The following RUNDC3B variants were observed in gnomAD, a reference collection of about 807,000 sequenced individuals.
RUNDC3B encodes RUN domain containing 3B.
Under a neutral mutation model 58.4 loss-of-function variants are expected in RUNDC3B, and 33 were observed. The ratio of observed to expected loss-of-function variants is 0.56; its 90% CI spans 0.43 to 0.75. RUNDC3B has a LOEUF of 0.75. Ranked by LOEUF, RUNDC3B falls within the 30% of genes least tolerant of loss-of-function variation. RUNDC3B has a pLI of 0.00. For synonymous variants in RUNDC3B, 193 were observed against 195.2 expected (o/e 0.99, Z 0.10); for missense variants, 501 against 535.7 (o/e 0.94, Z 0.64).
Position 87,628,871 on chromosome 7 carries a change from C to T in RUNDC3B, c.48C>T (p.Gly16=). The T allele has an allele frequency of 3.9e-6, 5 of 1,284,230 alleles. No homozygotes were observed. Among genetic ancestry groups the T allele is most frequent in the Non-Finnish European group, 5.0e-6 (5 of 1,008,444 alleles). 79.6% of individuals were successfully genotyped at this position (1,284,230 alleles called of 1,614,324 possible). Residue 16 remains glycine (G), a synonymous_variant, in exon 1 of 11, where the codon GGC becomes GGT. Transcript: ENST00000394654. ...GCCTGAGCGGGATCCGCGGCGGTGG[C>T]GGCGGAGGCGGCAAGAAAAGCCTGA... ...LGGLSGIRGG[G]GGGGKKSLSA...
rs763497084 is a variant in RUNDC3B at position 87,803,694 on chromosome 7, G to A, written c.957-3679G>A. Among the ~76,000 whole-genome samples, 8 of 152,058 alleles carry A rather than the reference G, an allele frequency of 5.3e-5. No individual in the cohort carries two copies. The East Asian group carries it at 7.7e-4, about 15-fold the overall frequency. The stretch of plus-strand genomic sequence containing the variant: ...GACTTTTAGATGATTGCTTCTTCAC[G>A]TATTTTAAGTGTGTCCTCCACTGCC... On this transcript the variant is annotated intron_variant, in intron 8 of 10. Coordinates refer to ENST00000394654, the MANE Select transcript of RUNDC3B (RefSeq NM_001134405.2).
chr7:87,730,234 A>G (rs558621147), intron 4 of RUNDC3B, among the ~76,000 whole-genome samples: 1 of 152,276 alleles, frequency 6.6e-6, no homozygotes, highest in Non-Finnish European at 1.5e-5. Context: ...CTTAGAGATT[A>G]GTTCCTAGCT....
Position 87,680,678 on chromosome 7 carries a change from C to T in RUNDC3B, c.239-19743C>T, listed in dbSNP as rs963283964. Among the ~76,000 whole-genome samples, 29 of 150,266 alleles carry T rather than the reference C, an allele frequency of 1.9e-4. 3 individuals are homozygous for T. Among genetic ancestry groups the T allele is most frequent in the Admixed American group, 1.9e-3 (28 of 15,060 alleles). ...GCATGGTGGTGTGTGCCTGTAATCC[C>T]AGCTACTTAGGAGGCTGAAGGCAGG... On this transcript the variant is annotated intron_variant, in intron 2 of 10. Transcript: ENST00000394654.
chr7:87,751,593 C>G (rs1330851734), intron 6 of RUNDC3B, among the ~76,000 whole-genome samples: 2 of 152,126 alleles, frequency 1.3e-5, no homozygotes, highest in Non-Finnish European at 2.9e-5. Flanking sequence ...AGAGGTCTTT[C>G]ACATCCCTTG....
At chr7:87,638,381 T>TG (rs1356170100) in intron 1 of RUNDC3B, among the ~76,000 whole-genome samples, 4 of 109,908 alleles carry the variant, frequency 3.6e-5, no homozygotes, top group African/African-American at 7.7e-5. Context: ...GTGTGTGTGT[T>TG]TCCTCCCCTG....
intron 6 of RUNDC3B, among the ~76,000 whole-genome samples, chr7:87,766,434 C>A (rs1439372890): frequency 6.6e-6 from 1 of 152,052 alleles, no homozygotes; most frequent in East Asian, 1.9e-4. Context: ...TAGGACTAGT[C>A]TAATCGTGAT....
At chr7:87,702,953 T>A (rs1829226283) in intron 3 of RUNDC3B, among the ~76,000 whole-genome samples, 1 of 152,148 alleles carries the variant, frequency 6.6e-6, no homozygotes, top group South Asian at 2.1e-4. Context: ...CTCACTCAAC[T>A]CAGGTATCAA....
chr7:87,801,558 G>C (rs1262270317), intron 8 of RUNDC3B, among the ~76,000 whole-genome samples: 2 of 151,922 alleles, frequency 1.3e-5, no homozygotes, highest in Non-Finnish European at 1.5e-5. Flanking sequence ...AGAAGTTTGA[G>C]ACCAGCCTGG....
At chr7:87,761,472 A>G (rs190754133) in intron 6 of RUNDC3B, among the ~76,000 whole-genome samples, 3 of 152,072 alleles carry the variant, frequency 2.0e-5, no homozygotes, top group African/African-American at 7.2e-5. Flanking sequence ...CTAGATATCA[A>G]TTCTCTTTCC....
chr7:87,632,952 TAAG>T (rs1253894805), intron 1 of RUNDC3B, among the ~76,000 whole-genome samples: 3 of 152,190 alleles, frequency 2.0e-5, no homozygotes, highest in Admixed American at 2.0e-4. Flanking sequence ...GAGGGACTAA[TAAG>T]AGGAATATAA....
chr7:87,646,155 CAGAT>C (rs1174675608), intron 1 of RUNDC3B, among the ~76,000 whole-genome samples: 2 of 152,132 alleles, frequency 1.3e-5, no homozygotes, highest in African/African-American at 4.8e-5. Flanking sequence ...TTTTATGACA[CAGAT>C]AGTATCTTCT....
At chr7:87,739,012 T>A (rs912905318) in intron 4 of RUNDC3B, among the ~76,000 whole-genome samples, 1 of 151,924 alleles carries the variant, frequency 6.6e-6, no homozygotes, top group Non-Finnish European at 1.5e-5. Flanking sequence ...CCCTGGTTAC[T>A]GATATAAACT....
intron 2 of RUNDC3B, among the ~76,000 whole-genome samples, chr7:87,676,412 G>T (rs1826360232): frequency 6.6e-6 from 1 of 151,786 alleles, no homozygotes; most frequent in Non-Finnish European, 1.5e-5. Context: ...TAAAAAATGG[G>T]CAAAGAGGCC....
At chr7:87,657,107 A>G (rs1301825933) in intron 2 of RUNDC3B, among the ~76,000 whole-genome samples, 4 of 152,174 alleles carry the variant, frequency 2.6e-5, no homozygotes, top group African/African-American at 9.7e-5. Context: ...GGCATTATAC[A>G]TAAAACAAAC....
intron 2 of RUNDC3B, among the ~76,000 whole-genome samples, chr7:87,657,955 A>C (rs1372729164): frequency 6.6e-6 from 1 of 152,184 alleles, no homozygotes. Flanking sequence ...CAGAAGGTTT[A>C]AATAAGATCC....
chr7:87,654,816 G>A (rs1823923209), intron 2 of RUNDC3B, among the ~76,000 whole-genome samples: 1 of 151,864 alleles, frequency 6.6e-6, no homozygotes, highest in South Asian at 2.1e-4. Context: ...TCGGATAAGG[G>A]GCTAATTTCC....
chr7:87,628,742 G>T lies in RUNDC3B; in HGVS notation c.-82G>T, dbSNP rs1820869130. 2 of 876,592 alleles carry T rather than the reference G, an allele frequency of 2.3e-6. No homozygotes were observed. The highest frequency in any genetic ancestry group is 5.9e-5 in the South Asian group (1 of 16,912). The allele number at this position is 876,592 out of a possible 1,614,324, so 54.3% of individuals were successfully genotyped here. A position where few individuals can be genotyped will look rare whatever the true frequency, so the allele number is the denominator to read the frequency against. ...TCCTTCCCGCGCCCCCACGGTTGCGGACCGAGCGAGAACCCCCTTAAGCAG... is the reference window on the plus strand; with the variant it reads ...TCCTTCCCGCGCCCCCACGGTTGCGTACCGAGCGAGAACCCCCTTAAGCAG... On this transcript the variant is annotated 5_prime_UTR_variant, in exon 1 of 11. Coordinates refer to ENST00000394654, the MANE Select transcript of RUNDC3B (RefSeq NM_001134405.2).
Position 87,728,322 on chromosome 7 carries a change from G to GTTTTGCA in RUNDC3B, c.459-11464_459-11458dup, listed in dbSNP as rs530455685. ...ATTCTCTGAATAGGCTGTACATCAA[G>GTTTTGCA]TTTTGCATTTTTCAGATTCTTCGGA... On this transcript the variant is annotated intron_variant, in intron 4 of 10. Transcript: ENST00000394654. 5.0e-3 allele frequency among the ~76,000 whole-genome samples: 754 copies of GTTTTGCA among 152,244 alleles called. 7 individuals are homozygous for GTTTTGCA. The highest frequency in any genetic ancestry group is 0.017 in the African/African-American group (723 of 41,540).
In RUNDC3B at chr7:87,743,666, GT is replaced by G. The variant is rs368643375; in HGVS notation, c.629+2094del. On this transcript the variant is annotated intron_variant, in intron 6 of 10. Coordinates refer to ENST00000394654, the MANE Select transcript of RUNDC3B (RefSeq NM_001134405.2). ...GCCCACTTTTTGATGGGATTGTTTG[GT>G]TTTTTTCATACTGATTTGTTTGAGT... Among the ~76,000 whole-genome samples, 732 of 151,926 alleles carry G rather than the reference GT, an allele frequency of 4.8e-3. 3 individuals are homozygous for G. Among genetic ancestry groups the G allele is most frequent in the African/African-American group, 0.017 (692 of 41,460 alleles).
Sources: allele counts gnomAD v4.1 joint callset (sites outside exome capture counted in the v4.1 genomes callset), GRCh38; gene constraint gnomAD v4.1.1; transcripts MANE v1.5; gene names NCBI Gene and HGNC (gene_info 2026-07-23, HGNC 2026-07-21).